Variants in BMAL2 observed in about 807,000 individuals in gnomAD.
BMAL2 encodes basic helix-loop-helix ARNT like 2.
At chr12:27,369,663 C>T in the BMAL2 span, among the ~76,000 whole-genome samples, 1 of 152,088 alleles carries the variant, frequency 6.6e-6, no homozygotes, top group Non-Finnish European at 1.5e-5. Flanking sequence ...ATCATAGGCA[C>T]CATTGTTCTT....
At chr12:27,361,891 T>G in the BMAL2 span, among the ~76,000 whole-genome samples, 7 of 152,146 alleles carry the variant, frequency 4.6e-5, no homozygotes, top group Non-Finnish European at 1.0e-4. Context: ...TAAAGACCCT[T>G]AAAGCTTCAG....
At chr12:27,361,470 C>T in the BMAL2 span, among the ~76,000 whole-genome samples, 1 of 152,148 alleles carries the variant, frequency 6.6e-6, no homozygotes, top group Non-Finnish European at 1.5e-5. Context: ...TTAAAGAACA[C>T]ATATTACATT....
At chr12:27,361,919 A>G in the BMAL2 span, among the ~76,000 whole-genome samples, 2 of 152,148 alleles carry the variant, frequency 1.3e-5, no homozygotes, top group African/African-American at 4.8e-5. Flanking sequence ...TTTTGTGAAG[A>G]GAAGATTATT....
chr12:27,383,290 A>C, the BMAL2 span, among the ~76,000 whole-genome samples: 1 of 152,238 alleles, frequency 6.6e-6, no homozygotes, highest in Admixed American at 6.5e-5. Flanking sequence ...AGTACAGCAC[A>C]GTGTTCAAAT....
chr12:27,397,455 G>A, the BMAL2 span, among the ~76,000 whole-genome samples: 2 of 152,126 alleles, frequency 1.3e-5, no homozygotes, highest in Non-Finnish European at 2.9e-5. Context: ...ACCATGACAT[G>A]TCAGTTACAT....
chr12:27,363,963 A>G, the BMAL2 span, among the ~76,000 whole-genome samples: 2 of 152,172 alleles, frequency 1.3e-5, no homozygotes, highest in African/African-American at 4.8e-5. Flanking sequence ...GTAATTTAAA[A>G]CAACAGGTAG....
At chr12:27,388,755 A>G in the BMAL2 span, among the ~76,000 whole-genome samples, 1 of 152,202 alleles carries the variant, frequency 6.6e-6, no homozygotes, top group African/African-American at 2.4e-5. Flanking sequence ...TTACCTATCA[A>G]TAGTATGGTA....
the BMAL2 span, chr12:27,370,281 A>G: frequency 1.4e-6 from 2 of 1,389,678 alleles, no homozygotes; most frequent in African/African-American, 2.8e-5. Context: ...TGAAGAGGGC[A>G]TAGAGTGGCA....
At chr12:27,389,303 G>A in the BMAL2 span, 1 of 1,526,332 alleles carries the variant, frequency 6.6e-7, no homozygotes, top group Non-Finnish European at 9.1e-7. Flanking sequence ...AAAAGTAAGT[G>A]TCCATTTCCG....
At chr12:27,348,684 A>G in the BMAL2 span, among the ~76,000 whole-genome samples, 1 of 152,326 alleles carries the variant, frequency 6.6e-6, no homozygotes, top group East Asian at 1.9e-4. Flanking sequence ...AATAGGAAGA[A>G]ATAGAGATTT....
chr12:27,403,313 T>C, the BMAL2 span: 2 of 678,662 alleles, frequency 2.9e-6, no homozygotes, highest in African/African-American at 3.7e-5. Flanking sequence ...CAAGGATGAG[T>C]GTTTTCCAAC....
the BMAL2 span, among the ~76,000 whole-genome samples, chr12:27,334,582 C>G: frequency 6.6e-6 from 1 of 152,174 alleles, no homozygotes; most frequent in East Asian, 1.9e-4. Context: ...AATGCACCTA[C>G]TAATTCAAAG....
the BMAL2 span, among the ~76,000 whole-genome samples, chr12:27,350,156 C>G: frequency 1.3e-5 from 2 of 152,238 alleles, no homozygotes; most frequent in Non-Finnish European, 2.9e-5. Flanking sequence ...TTCCTTGCCT[C>G]CAACAACAAC....
At chr12:27,385,324 A>G in the BMAL2 span, among the ~76,000 whole-genome samples, 7 of 152,072 alleles carry the variant, frequency 4.6e-5, no homozygotes, top group Non-Finnish European at 5.9e-5. Context: ...AAAAATAAAT[A>G]ATTAAATTAA....
the BMAL2 span, among the ~76,000 whole-genome samples, chr12:27,369,580 A>C: frequency 6.6e-6 from 1 of 152,222 alleles, no homozygotes; most frequent in Non-Finnish European, 1.5e-5. Flanking sequence ...CTAAATTATC[A>C]GTCAGTAGCT....
the BMAL2 span, chr12:27,376,249 G>T: frequency 8.3e-6 from 9 of 1,079,806 alleles, no homozygotes; most frequent in Non-Finnish European, 1.1e-5. Context: ...TAGGAATTAG[G>T]ATGATTGATT....
chr12:27,366,111 T>A, the BMAL2 span, among the ~76,000 whole-genome samples: 1 of 152,124 alleles, frequency 6.6e-6, no homozygotes, highest in Non-Finnish European at 1.5e-5. Context: ...ATATAGGGAT[T>A]TTCTGGTTAT....
the BMAL2 span, chr12:27,380,289 G>T: frequency 1.2e-6 from 2 of 1,614,162 alleles, no homozygotes; most frequent in Non-Finnish European, 1.7e-6. Context: ...GAGATAAAAT[G>T]AATAACCTGA....
chr12:27,401,544 A>G, the BMAL2 span: 34 of 1,600,880 alleles, frequency 2.1e-5, 1 homozygote, highest in South Asian at 3.7e-4. Flanking sequence ...TAAGGAGAAA[A>G]TACTTACAGA....
Sources: gnomAD v4.1 joint callset for allele counts (sites outside exome capture counted in the v4.1 genomes callset) on GRCh38, gnomAD v4.1.1 for gene constraint, MANE v1.5 for transcripts, NCBI Gene and HGNC (gene_info 2026-07-23, HGNC 2026-07-21) for gene names.